STRAP: variants seen among roughly 807,000 people sequenced by gnomAD.
STRAP encodes serine/threonine kinase receptor associated protein, also known as serine-threonine kinase receptor-associated protein.
Under a neutral mutation model 47.0 loss-of-function variants are expected in STRAP, and 16 were observed. The ratio of observed to expected loss-of-function variants is 0.34; its 90% CI spans 0.23 to 0.52. STRAP has a LOEUF of 0.52. Ranked by LOEUF, STRAP falls within the 20% of genes least tolerant of loss-of-function variation. STRAP has a pLI of 0.96. For synonymous variants in STRAP, 130 were observed against 142.7 expected, an observed-to-expected ratio of 0.91 and a Z score of 0.63; for missense variants, 293 against 420.0, an observed-to-expected ratio of 0.70 and a Z score of 2.64.
Position 15,895,464 on chromosome 12 carries a change from T to C in STRAP, c.606T>C (p.Tyr202=), listed in dbSNP as rs372039802. The change falls in exon 6 of 10, where the codon TAT becomes TAC. Residue 202 remains tyrosine (Y), a synonymous_variant. Transcript: ENST00000419869. ...AGGGAGAGATTTTGGTTATAACTTA[T>C]GGACGATCTATTGCTTTTCATAGTG... The part of the protein sequence containing the change: ...IPEGEILVIT[Y]GRSIAFHSAV... 3.3e-5 allele frequency: 53 copies of C among 1,607,784 alleles called. No homozygotes were observed. The highest frequency in any genetic ancestry group is 1.2e-4 in the South Asian group (11 of 89,306).
intron 2 of STRAP, 128 bp from the exon 3 acceptor site, chr12:15,889,800 T>A (rs1208431724): frequency 3.1e-6 from 2 of 654,726 alleles, no homozygotes; most frequent in Non-Finnish European, 5.2e-6. Flanking sequence ...TAAAGGAGAT[T>A]TATAATACAT....
At chr12:15,900,112 T>C in intron 8 of STRAP, 59 bp downstream of exon 8, 1 of 1,491,076 alleles carries the variant, frequency 6.7e-7, no homozygotes, top group South Asian at 1.3e-5. Context: ...ATGTCATTTT[T>C]AATCATTAAT....
At chr12:15,891,984 C>T (rs568289476) in intron 4 of STRAP, among the ~76,000 whole-genome samples, 7 of 152,036 alleles carry the variant, frequency 4.6e-5, no homozygotes, top group Non-Finnish European at 8.8e-5. Context: ...TTGATAGATA[C>T]TACCAAAGTG....
At position 15,894,570 on chromosome 12, in the gene STRAP, C is replaced by G. The variant is rs1334002226; in HGVS notation, c.500+427C>G. 2.6e-5 allele frequency among the ~76,000 whole-genome samples: 4 copies of G among 152,134 alleles called. No homozygotes were observed. The highest frequency in any genetic ancestry group is 5.9e-5 in the Non-Finnish European group (4 of 68,028). ...TGAACATTAAAATTTAAGTTGCACC[C>G]AGGTCACATTTATCTGGAGCTATCT... On this transcript the variant is annotated intron_variant, in intron 5 of 9. Transcript: ENST00000419869. The surrounding 1 kb of genome is among the most constrained non-coding windows in gnomAD (Gnocchi z 4.9).
intron 1 of STRAP, 138 bp downstream of exon 1, chr12:15,882,957 C>T (rs1166680430): frequency 1.5e-6 from 2 of 1,349,768 alleles, no homozygotes; most frequent in East Asian, 5.0e-5. Context: ...AGAGCCAACA[C>T]TGGTCCGGTG....
chr12:15,889,795 G>A (rs1947999949), intron 2 of STRAP, 133 bp from the exon 3 acceptor site: 1 of 628,374 alleles, frequency 1.6e-6, no homozygotes. Context: ...AGAGATAAAG[G>A]AGATTTATAA....
intron 9 of STRAP, 137 bp from the exon 10 acceptor site, chr12:15,902,780 T>C: frequency 2.9e-6 from 3 of 1,049,240 alleles, no homozygotes; most frequent in Admixed American, 3.5e-5. Flanking sequence ...GTGCAGTTGC[T>C]CTCTTCTTTC....
At position 15,900,024 on chromosome 12, in the gene STRAP, C is replaced by T. The variant is rs1253821180; in HGVS notation, c.896C>T (p.Thr299Met). ...CTATGGCAAACTGTGGTAGGAAAAA[C>T]GTATGGCCTTTGGAAATGTGTGCTT... is the stretch of plus-strand genomic sequence containing the variant. ...LRLWQTVVGKTYGLWKCVLPE... is the reference protein window; with the variant it reads ...LRLWQTVVGKMYGLWKCVLPE... Residue 299 changes from threonine to methionine, a missense_variant, in exon 8 of 10, where the codon ACG (threonine) becomes ATG (methionine). Physicochemically the swap from Thr to Met is moderately conservative, Grantham distance 81. Coordinates refer to ENST00000419869, the MANE Select transcript of STRAP (RefSeq NM_007178.4). 11 of 1,613,150 alleles carry T rather than the reference C, an allele frequency of 6.8e-6. No individual in the cohort carries two copies. The highest frequency in any genetic ancestry group is 2.2e-5 in the East Asian group (1 of 44,822).
Position 15,887,813 on chromosome 12 carries a change from A to G in STRAP, c.249-2115A>G, listed in dbSNP as rs1046199038. ...GGAGTTCAAGTATAGCTTGGGCAAT[A>G]TACCAAGATCCTGTCTCAAAAAAAA... On this transcript the variant is annotated intron_variant, in intron 2 of 9. Coordinates refer to ENST00000419869, the MANE Select transcript of STRAP (RefSeq NM_007178.4). This position sits in a 1 kb window ranked among gnomAD's most constrained non-coding sequence, Gnocchi z 5.5. Among the ~76,000 whole-genome samples the G allele has an allele frequency of 6.6e-6, 1 of 152,106 alleles. No homozygotes were observed. Among genetic ancestry groups the G allele is most frequent in the Non-Finnish European group, 1.5e-5 (1 of 68,024 alleles).
chr12:15,894,005 A>T lies in STRAP; in HGVS notation c.404-42A>T. 7.0e-7 allele frequency: 1 copy of T among 1,422,246 alleles called. No individual in the cohort carries two copies. The highest frequency in any genetic ancestry group is 9.8e-7 in the Non-Finnish European group (1 of 1,016,866). The allele number at this position is 1,422,246 out of a possible 1,614,324, so 88.1% of individuals were successfully genotyped here. ...GTTCCGATATTGTTCAGTTTAAAAAATCATATATTAACAAATGTACTTTAA... is the reference window on the plus strand; with the variant it reads ...GTTCCGATATTGTTCAGTTTAAAAATTCATATATTAACAAATGTACTTTAA... On this transcript the variant is annotated intron_variant, in intron 4 of 9. Transcript: ENST00000419869. The surrounding 1 kb of genome is among the most constrained non-coding windows in gnomAD (Gnocchi z 4.9).
chr12:15,885,191 T>TG lies in STRAP; in HGVS notation c.248+1515_248+1516insG, dbSNP rs918233863. On this transcript the variant is annotated intron_variant, in intron 2 of 9. Coordinates refer to ENST00000419869, the MANE Select transcript of STRAP (RefSeq NM_007178.4). ...AGAGTACAAGTGGTGTTTTTTTTTTTTTTTTTTTTTTTTTAAAGACAGAGT... is the reference window on the plus strand; with the variant it reads ...AGAGTACAAGTGGTGTTTTTTTTTTTGTTTTTTTTTTTTTTAAAGACAGAGT... Among the ~76,000 whole-genome samples, 4 of 148,704 alleles carry TG rather than the reference T, an allele frequency of 2.7e-5. 1 individual carries two copies. Among genetic ancestry groups the TG allele is most frequent in the African/African-American group, 1.0e-4 (4 of 39,714 alleles).
rs1163670634 is a variant in STRAP at position 15,883,677 on chromosome 12, G to A, written c.248+1G>A. ...CTACAGCAGCTGCAGATTTCACAGC[G>A]TAAGTGTAGCCAAGATGGCTAACTT... On this transcript the variant is annotated splice_donor_variant, in intron 2 of 9. Coordinates refer to ENST00000419869, the MANE Select transcript of STRAP (RefSeq NM_007178.4). LOFTEE classifies it high-confidence loss of function. The A allele has an allele frequency of 1.2e-6, 2 of 1,613,996 alleles. No homozygotes were observed. Among genetic ancestry groups the A allele is most frequent in the Non-Finnish European group, 1.7e-6 (2 of 1,179,984 alleles).
chr12:15,892,023 A>G lies in STRAP; in HGVS notation c.403+1354A>G, dbSNP rs76384294. 2.7e-4 allele frequency among the ~76,000 whole-genome samples: 41 copies of G among 152,298 alleles called. 2 individuals carry two copies. In the East Asian group the frequency reaches 7.9e-3, roughly 29 times the overall value. The stretch of plus-strand genomic sequence containing the variant: ...TCCAACAAAGTATGGGTATATATGT[A>G]TGTATCTATACCCAACATGTTCTAG... On this transcript the variant is annotated intron_variant, in intron 4 of 9. Coordinates refer to ENST00000419869, the MANE Select transcript of STRAP (RefSeq NM_007178.4).
In STRAP at chr12:15,882,523, TCCCTGAC is replaced by T; in HGVS notation, c.-180_-174del. On this transcript the variant is annotated 5_prime_UTR_variant, in exon 1 of 10. Transcript: ENST00000419869. ...CGACTGTTGCTTGCTGGTCGCAGAC[TCCCTGAC>T]CCCTCCCTCACCCCTCCCTAACCTC... 1 of 467,264 alleles carries T rather than the reference TCCCTGAC, an allele frequency of 2.1e-6. No homozygotes were observed. The highest frequency in any genetic ancestry group is 2.1e-5 in the South Asian group (1 of 48,618). 28.9% of individuals were successfully genotyped at this position (467,264 alleles called of 1,614,324 possible).
In STRAP at chr12:15,903,015, A is replaced by G. The variant is rs1389376485; in HGVS notation, c.*37A>G. 3 of 1,466,444 alleles carry G rather than the reference A, an allele frequency of 2.0e-6. No homozygotes were observed. Among genetic ancestry groups the G allele is most frequent in the Non-Finnish European group, 1.8e-6 (2 of 1,112,222 alleles). The allele number at this position is 1,466,444 out of a possible 1,614,324, so 90.8% of individuals were successfully genotyped here. ...ATGTGCAGTTAGTATACAACTGACT[A>G]AAACAAGCAAGCAGAGAAAAGCATC... On this transcript the variant is annotated 3_prime_UTR_variant, in exon 10 of 10. Transcript: ENST00000419869.
intron 2 of STRAP, among the ~76,000 whole-genome samples, chr12:15,885,180 GTTTTTTTTTTTT>G (rs749702060): frequency 1.0e-5 from 1 of 99,592 alleles, no homozygotes; most frequent in African/African-American, 4.3e-5. Flanking sequence ...TACAAGTGGT[GTTTTTTTTTTTT>G]TTTTTTTTTT....
chr12:15,883,929 A>G (rs1172982308), intron 2 of STRAP, among the ~76,000 whole-genome samples: 1 of 152,230 alleles, frequency 6.6e-6, no homozygotes, highest in Non-Finnish European at 1.5e-5. Flanking sequence ...AGGAATCTGC[A>G]TTAACAAACG....
intron 2 of STRAP, among the ~76,000 whole-genome samples, chr12:15,886,288 C>T (rs1947972233): frequency 6.6e-6 from 1 of 151,908 alleles, no homozygotes; most frequent in African/African-American, 2.4e-5. Context: ...CTCCCAGTCT[C>T]AAGCAGTTCT....
In STRAP at chr12:15,890,153, T is replaced by A. The variant is rs1948002587; in HGVS notation, c.330+144T>A. Reference sequence around the variant, plus strand: ...TTTCTTGGTTCATATTTGATTTGATTGTGTATTAAGCTCTATGAATTTGTT... The same window carrying A: ...TTTCTTGGTTCATATTTGATTTGATAGTGTATTAAGCTCTATGAATTTGTT... On this transcript the variant is annotated intron_variant, in intron 3 of 9. Transcript: ENST00000419869. The surrounding 1 kb of genome is among the most constrained non-coding windows in gnomAD (Gnocchi z 4.5). The A allele has an allele frequency of 1.2e-5, 10 of 808,560 alleles. No individual in the cohort carries two copies. Among genetic ancestry groups the A allele is most frequent in the Non-Finnish European group, 2.0e-5 (10 of 501,818 alleles). 50.1% of individuals were successfully genotyped at this position (808,560 alleles called of 1,614,324 possible).
Sources: allele counts gnomAD v4.1 joint callset (sites outside exome capture counted in the v4.1 genomes callset), GRCh38; gene constraint gnomAD v4.1.1; non-coding constraint Gnocchi (gnomAD v3.1); transcripts MANE v1.5; gene names NCBI Gene and HGNC (gene_info 2026-07-23, HGNC 2026-07-21).